Variants in DTNA observed in about 807,000 individuals in gnomAD.
The protein encoded by DTNA is dystrobrevin alpha, also known as dystrophin-related protein 3.
Under a neutral mutation model 100.7 loss-of-function variants are expected in DTNA, and 43 were observed. The ratio of observed to expected loss-of-function variants is 0.43; its 90% CI spans 0.33 to 0.55. The LOEUF is 0.55. Among genes scored for constraint, DTNA ranks in the 20% least tolerant of loss-of-function variants. DTNA has a pLI of 0.04. For synonymous variants in DTNA, 349 were observed against 347.9 expected, an observed-to-expected ratio of 1.00 and a Z score of -0.04; for missense variants, 798 against 953.9, an observed-to-expected ratio of 0.84 and a Z score of 2.15.
At chr18:34,544,493 G>A (rs1354889145) in intron 1 of DTNA, among the ~76,000 whole-genome samples, 1 of 151,946 alleles carries the variant, frequency 6.6e-6, no homozygotes, top group African/African-American at 2.4e-5. Context: ...GAACTAGAAA[G>A]GAAAATCAAG....
At chr18:34,620,912 T>A (rs1252969492) in intron 1 of DTNA, among the ~76,000 whole-genome samples, 1 of 152,120 alleles carries the variant, frequency 6.6e-6, no homozygotes, top group Non-Finnish European at 1.5e-5. Flanking sequence ...ATAGTTGAAA[T>A]TTTTTCTAAT....
intron 1 of DTNA, among the ~76,000 whole-genome samples, chr18:34,646,859 G>T (rs1477542400): frequency 6.6e-6 from 1 of 151,984 alleles, no homozygotes; most frequent in African/African-American, 2.4e-5. Context: ...GGGATTACAG[G>T]CATGCGCCAC....
chr18:34,521,326 T>C (rs2042130748), intron 1 of DTNA, among the ~76,000 whole-genome samples: 1 of 152,162 alleles, frequency 6.6e-6, no homozygotes, highest in African/African-American at 2.4e-5. Context: ...CCACGAGCCA[T>C]TCAATCCAAA....
At chr18:34,549,032 C>T (rs1442813058) in intron 1 of DTNA, among the ~76,000 whole-genome samples, 1 of 152,050 alleles carries the variant, frequency 6.6e-6, no homozygotes, top group African/African-American at 2.4e-5. Flanking sequence ...ATAAGTGGTA[C>T]CACCTTTTAA....
At chr18:34,630,489 G>T (rs1345476381) in intron 1 of DTNA, among the ~76,000 whole-genome samples, 1 of 152,146 alleles carries the variant, frequency 6.6e-6, no homozygotes, top group African/African-American at 2.4e-5. Flanking sequence ...ATGAAGAGTT[G>T]GGAATAGTGA....
intron 1 of DTNA, among the ~76,000 whole-genome samples, chr18:34,686,621 A>G (rs1222161825): frequency 6.6e-6 from 1 of 152,134 alleles, no homozygotes; most frequent in Non-Finnish European, 1.5e-5. Context: ...TGTCCCTGCC[A>G]GGTTTTGGTA....
At chr18:34,666,636 C>T (rs571566292) in intron 1 of DTNA, among the ~76,000 whole-genome samples, 1 of 152,164 alleles carries the variant, frequency 6.6e-6, no homozygotes, top group South Asian at 2.1e-4. Context: ...AGCTTTCTAC[C>T]TATGGCTAGC....
At chr18:34,531,593 A>T (rs190339702) in intron 1 of DTNA, among the ~76,000 whole-genome samples, 1 of 152,244 alleles carries the variant, frequency 6.6e-6, no homozygotes, top group East Asian at 1.9e-4. Context: ...TATGTAAATT[A>T]TTTAACTCTG....
chr18:34,599,035 A>G (rs2051236014), intron 1 of DTNA, among the ~76,000 whole-genome samples: 1 of 152,174 alleles, frequency 6.6e-6, no homozygotes, highest in South Asian at 2.1e-4. Flanking sequence ...TTAATTTTAT[A>G]CTCTTTGGAC....
Position 34,876,570 on chromosome 18 carries a change from A to G in DTNA, c.1904-1149A>G, listed in dbSNP as rs1236911875. On this transcript the variant is annotated intron_variant, in intron 18 of 22. Transcript: ENST00000444659. ...TCTAATTACAGAAATATAAATTTTAATAAGTATCACTTTTTGCCTAGAAGA... is the reference window on the plus strand; with the variant it reads ...TCTAATTACAGAAATATAAATTTTAGTAAGTATCACTTTTTGCCTAGAAGA... Among the ~76,000 whole-genome samples the G allele has an allele frequency of 3.3e-5, 5 of 152,362 alleles. No individual in the cohort carries two copies. In the South Asian group the frequency reaches 6.2e-4, roughly 19 times the overall value.
At chr18:34,675,020 T>C (rs145821409) in intron 1 of DTNA, among the ~76,000 whole-genome samples, 1 of 152,264 alleles carries the variant, frequency 6.6e-6, no homozygotes, top group East Asian at 1.9e-4. Flanking sequence ...AGACTTACCT[T>C]GTTCAACTTC....
rs543124568 is a variant in DTNA at position 34,667,119 on chromosome 18, T to C, written c.-1-88857T>C. ...TTCATTGAGCAGTGATTTGTAGTTC[T>C]CCTTGAAGAGGTCCTTCACATCCCT... On this transcript the variant is annotated intron_variant, in intron 1 of 19. Coordinates refer to the DTNA transcript ENST00000283365. 1.9e-3 allele frequency among the ~76,000 whole-genome samples: 294 copies of C among 152,346 alleles called. 1 individual carries two copies. The highest frequency in any genetic ancestry group is 6.8e-3 in the African/African-American group (283 of 41,564).
In DTNA at chr18:34,877,711, C is replaced by G. The variant is rs2096832434; in HGVS notation, c.1904-8C>G. On this transcript the variant is annotated splice_polypyrimidine_tract_variant and splice_region_variant and intron_variant, in intron 18 of 22. Transcript: ENST00000444659. ...TTGGTTTTTTAAATTATTTCTTCTT[C>G]CCTGAAGGTTCAAGAAGAAACTTAA... The G allele has an allele frequency of 1.9e-6, 3 of 1,610,952 alleles. No homozygotes were observed. Among genetic ancestry groups the G allele is most frequent in the Non-Finnish European group, 2.5e-6 (3 of 1,177,812 alleles).
intron 1 of DTNA, among the ~76,000 whole-genome samples, chr18:34,587,628 C>T (rs2049275007): frequency 6.6e-6 from 1 of 152,116 alleles, no homozygotes. Context: ...TTATTATTCT[C>T]ATTGTAGGGA....
At chr18:34,681,731 C>CACACACACACACACACACA (rs1491407771) in intron 1 of DTNA, among the ~76,000 whole-genome samples, 52 of 148,146 alleles carry the variant, frequency 3.5e-4, no homozygotes, top group African/African-American at 1.3e-3. Context: ...CACACACACA[C>CACACACACACACACACACA]CCCACACACA....
intron 1 of DTNA, among the ~76,000 whole-genome samples, chr18:34,546,766 T>TC (rs199515952): frequency 1.3e-5 from 2 of 151,340 alleles, no homozygotes; most frequent in Admixed American, 6.6e-5. Context: ...TTTCTTTCTT[T>TC]TTTTTTTATC....
chr18:34,696,404 C>T (rs1307068363), intron 1 of DTNA, among the ~76,000 whole-genome samples: 5 of 151,892 alleles, frequency 3.3e-5, no homozygotes. Context: ...TAGTGGAACC[C>T]CCGTCTCTAC....
chr18:34,875,431 T>C, intron 18 of DTNA, 33 bp downstream of exon 18: 1 of 1,613,896 alleles, frequency 6.2e-7, no homozygotes, highest in African/African-American at 1.3e-5. Context: ...GTGGTCTGCT[T>C]TTATGTGGCA....
chr18:34,512,250 A>C (rs2041164147), intron 1 of DTNA, among the ~76,000 whole-genome samples: 1 of 151,800 alleles, frequency 6.6e-6, no homozygotes, highest in African/African-American at 2.4e-5. Context: ...TTTTTTTCTA[A>C]AAAAATTTAT....
Sources: gnomAD v4.1 joint callset for allele counts (sites outside exome capture counted in the v4.1 genomes callset) on GRCh38, gnomAD v4.1.1 for gene constraint, MANE v1.5 for transcripts, NCBI Gene and HGNC (gene_info 2026-07-23, HGNC 2026-07-21) for gene names.